Variants in TEX10 observed in about 807,000 individuals in gnomAD.
TEX10 encodes testis-expressed protein 10.
TEX10 carries 24 observed loss-of-function variants against 104.4 expected under a neutral mutation model. The observed-to-expected ratio is 0.23, with a 90% CI of 0.17 to 0.32. TEX10 has a LOEUF of 0.32. Ranked by LOEUF, TEX10 falls within the 10% of genes least tolerant of loss-of-function variation. TEX10 has a pLI of 1.00. For synonymous variants in TEX10, 396 were observed against 393.4 expected (o/e 1.01, Z -0.08); for missense variants, 921 against 1,083.9 (o/e 0.85, Z 2.11).
rs753123645 is a variant in TEX10, at chr9:100,349,172, T to C, written c.180+12A>G. 12 of 1,517,058 alleles carry C rather than the reference T, an allele frequency of 7.9e-6. No homozygotes were observed. The highest frequency in any genetic ancestry group is 2.4e-5 in the Admixed American group (1 of 41,338). The allele number at this position is 1,517,058 out of a possible 1,614,324, so 94.0% of individuals were successfully genotyped here. ...AAAATCTTATTTTGTCAAAACATGA[T>C]TTATGATTTACCTTTATGTTAAGTT... On this transcript the variant is annotated intron_variant, in intron 2 of 14. Transcript: ENST00000374902.
intron 9 of TEX10, among the ~76,000 whole-genome samples, chr9:100,325,359 T>G (rs908016059): frequency 2.6e-5 from 4 of 152,120 alleles, no homozygotes; most frequent in Non-Finnish European, 4.4e-5. Flanking sequence ...CTTTCAGAGT[T>G]TCAGAGTAAA....
At chr9:100,343,719 G>T (rs1374947687) in intron 4 of TEX10, among the ~76,000 whole-genome samples, 2 of 151,972 alleles carry the variant, frequency 1.3e-5, no homozygotes, top group Non-Finnish European at 2.9e-5. Context: ...GTAGTCCTAA[G>T]ACTATATCTA....
intron 5 of TEX10, among the ~76,000 whole-genome samples, chr9:100,338,726 T>C (rs1312016601): frequency 2.0e-5 from 3 of 152,042 alleles, no homozygotes; most frequent in Non-Finnish European, 4.4e-5. Flanking sequence ...ACCCCATCTC[T>C]ACTAAAAATA....
rs747563571 is a variant in TEX10 at position 100,347,016 on chromosome 9, A to T, written c.571T>A (p.Ser191Thr). The change falls in exon 3 of 15, where the codon TCT becomes ACT. Residue 191 changes from serine (S) to threonine (T), a missense_variant. Ser to Thr is a moderately conservative substitution (Grantham distance 58). Transcript: ENST00000374902. The part of the protein sequence containing the change: ...ILLKNFVELI[S>T]HQQLSKGLIN... ...AGTCCTTTGGACAGCTGCTGATGAG[A>T]AATAAGTTCTACAAAATTCTTAAGC... The T allele has an allele frequency of 3.1e-6, 5 of 1,614,020 alleles. No individual in the cohort carries two copies. The East Asian group carries it at 1.1e-4, about 36-fold the overall frequency.
intron 11 of TEX10, among the ~76,000 whole-genome samples, chr9:100,318,228 G>A (rs528155253): frequency 2.0e-4 from 30 of 152,186 alleles, no homozygotes; most frequent in South Asian, 2.1e-4. Flanking sequence ...GTTCACCAAC[G>A]TATGCGTGGA....
chr9:100,318,783 G>C (rs1834488717), intron 11 of TEX10, among the ~76,000 whole-genome samples: 1 of 152,208 alleles, frequency 6.6e-6, no homozygotes, highest in Non-Finnish European at 1.5e-5. Context: ...CATGTCAGCA[G>C]CTGGGCATGA....
intron 5 of TEX10, among the ~76,000 whole-genome samples, chr9:100,330,727 A>G (rs1212035215): frequency 2.0e-5 from 3 of 152,254 alleles, no homozygotes; most frequent in African/African-American, 7.2e-5. Flanking sequence ...TCTAAAATAA[A>G]ATATTTTAAT....
chr9:100,351,454 A>C (rs997103155), intron 1 of TEX10, among the ~76,000 whole-genome samples: 1 of 151,208 alleles, frequency 6.6e-6, no homozygotes, highest in Non-Finnish European at 1.5e-5. Context: ...CATGATACTC[A>C]CCTGGCCTCT....
At chr9:100,302,938 C>A (rs867900112) in intron 14 of TEX10, among the ~76,000 whole-genome samples, 6 of 150,236 alleles carry the variant, frequency 4.0e-5, no homozygotes, top group Middle Eastern at 3.4e-3. Context: ...GCCCCCCCCC[C>A]AAACTAAAAT....
At chr9:100,302,934 C>CT (rs888969404) in intron 14 of TEX10, among the ~76,000 whole-genome samples, 1 of 145,940 alleles carries the variant, frequency 6.9e-6, no homozygotes, top group South Asian at 2.2e-4. Context: ...AACCGCCCCC[C>CT]CCCCAAACTA....
chr9:100,346,197 G>A lies in TEX10; in HGVS notation c.1012C>T (p.Pro338Ser). The change falls in exon 4 of 15, where the codon CCA becomes TCA. Residue 338 changes from proline (P) to serine (S), a missense_variant. Pro to Ser is a moderately conservative substitution (Grantham distance 74). Around this residue, in one of 3 missense-constraint regions of TEX10, gnomAD observed 753 missense variants for 868.4 expected, o/e 0.87. Transcript: ENST00000374902. ...TTCCCAACAGGAGTAGCTAGTTGTG[G>A]AGGTACAGCTTCAACCCAGCATTCA... The part of the protein sequence containing the change: ...LIECWVEAVP[P>S]QLATPVGNGI... The A allele has an allele frequency of 6.2e-7, 1 of 1,614,002 alleles. No homozygotes were observed. Among genetic ancestry groups the A allele is most frequent in the Non-Finnish European group, 8.5e-7 (1 of 1,179,946 alleles).
Position 100,334,451 on chromosome 9 carries a change from GA to G in TEX10, c.1251-4283del, listed in dbSNP as rs533531551. On this transcript the variant is annotated intron_variant, in intron 5 of 14. Coordinates refer to ENST00000374902, the MANE Select transcript of TEX10 (RefSeq NM_017746.4). Reference sequence around the variant, plus strand: ...CGAGAGAAATACATTTTTATGGGGGGAGAAAAAAACGAACTAAAGAAGACTC... The same window carrying G: ...CGAGAGAAATACATTTTTATGGGGGGGAAAAAAACGAACTAAAGAAGACTC... Among the ~76,000 whole-genome samples, 9 of 152,134 alleles carry G rather than the reference GA, an allele frequency of 5.9e-5. No homozygotes were observed. In the South Asian group the frequency reaches 1.9e-3, roughly 32 times the overall value.
chr9:100,308,573 C>T lies in TEX10; in HGVS notation c.2392G>A (p.Ala798Thr), dbSNP rs1834197557. 1.2e-6 allele frequency: 2 copies of T among 1,612,916 alleles called. No homozygotes were observed. Among genetic ancestry groups the T allele is most frequent in the African/African-American group, 1.3e-5 (1 of 74,982 alleles). Reference protein sequence around the residue: ...VVSETLLPFLASCCYSLLYFL... With the variant: ...VVSETLLPFLTSCCYSLLYFL... The stretch of plus-strand genomic sequence containing the variant: ...TAAAGAAGACTGTAGCAACAAGAAG[C>T]CAGAAATGGCAGTAGAGTCTCACTA... Residue 798 changes from alanine (A) to threonine (T), a missense_variant, in exon 13 of 15, where the codon GCT (alanine) becomes ACT (threonine). By Grantham distance (58) the Ala-to-Thr change is moderately conservative (BLOSUM62 0). Transcript: ENST00000374902.
intron 7 of TEX10, among the ~76,000 whole-genome samples, chr9:100,328,502 T>G (rs1469045615): frequency 6.6e-6 from 1 of 152,216 alleles, no homozygotes; most frequent in African/African-American, 2.4e-5. Context: ...TTCTGCTTCC[T>G]TCTGTAAAAT....
At chr9:100,313,305 A>C (rs1834325483) in intron 11 of TEX10, among the ~76,000 whole-genome samples, 1 of 152,058 alleles carries the variant, frequency 6.6e-6, no homozygotes, top group Non-Finnish European at 1.5e-5. Flanking sequence ...ACCTGAGGTC[A>C]GAAGTTCAAG....
chr9:100,344,690 C>T (rs1386263801), intron 4 of TEX10, among the ~76,000 whole-genome samples: 1 of 152,028 alleles, frequency 6.6e-6, no homozygotes, highest in East Asian at 1.9e-4. Context: ...ACTAAAAATA[C>T]AAAAAATTAG....
Position 100,346,328 on chromosome 9 carries a change from A to G in TEX10, c.894-13T>C. 6.3e-6 allele frequency: 10 copies of G among 1,585,532 alleles called. No individual in the cohort carries two copies. The highest frequency in any genetic ancestry group is 7.7e-6 in the Non-Finnish European group (9 of 1,170,150). On this transcript the variant is annotated splice_polypyrimidine_tract_variant and intron_variant, in intron 3 of 14. Transcript: ENST00000374902. ...TCCAACCAGATACCTAATAAGGGTA[A>G]GAAAGAAAAAAATTAAGTGATTAAA...
intron 2 of TEX10, among the ~76,000 whole-genome samples, chr9:100,348,343 G>T (rs1835353083): frequency 6.6e-6 from 1 of 152,200 alleles, no homozygotes; most frequent in African/African-American, 2.4e-5. Context: ...AGATTAAGGT[G>T]ATAGTAGCAT....
intron 4 of TEX10, among the ~76,000 whole-genome samples, chr9:100,342,110 C>T (rs1835188732): frequency 6.6e-6 from 1 of 152,216 alleles, no homozygotes; most frequent in Admixed American, 6.5e-5. Flanking sequence ...GAAGCCTGTT[C>T]TCACCTCAAA....
Sources: gnomAD v4.1 joint callset for allele counts (sites outside exome capture counted in the v4.1 genomes callset) on GRCh38, gnomAD v4.1.1 for gene constraint, gnomAD v4.1.1 regional missense constraint, MANE v1.5 for transcripts, NCBI Gene and HGNC (gene_info 2026-07-23, HGNC 2026-07-21) for gene names.